Variants in NUCB2 observed in about 807,000 individuals in gnomAD.
NUCB2 encodes the protein nucleobindin 2.
NUCB2 carries 48 observed loss-of-function variants against 57.9 expected under a neutral mutation model. That is an observed-to-expected ratio of 0.83 (90% CI 0.66 to 1.05). The LOEUF (loss-of-function observed/expected upper bound fraction) is 1.05. Ranked by LOEUF, NUCB2 falls within the 50% of genes least tolerant of loss-of-function variation. The pLI is 0.00. For synonymous variants in NUCB2, 139 were observed against 152.1 expected (o/e 0.91, Z 0.64); for missense variants, 442 against 476.2 (o/e 0.93, Z 0.67).
chr11:17,295,284 CATT>C, intron 2 of NUCB2, 37 bp from the exon 3 acceptor site: 1 of 1,567,524 alleles, frequency 6.4e-7, no homozygotes, highest in Non-Finnish European at 8.7e-7. Context: ...AGAGTTAAAA[CATT>C]ATTCATGACT....
intron 4 of NUCB2, among the ~76,000 whole-genome samples, chr11:17,299,366 T>A (rs537968644): frequency 6.6e-6 from 1 of 152,210 alleles, no homozygotes; most frequent in African/African-American, 2.4e-5. Flanking sequence ...CATTGTTTTA[T>A]CTAATAATAA....
chr11:17,288,166 T>C (rs1026238605), intron 2 of NUCB2, among the ~76,000 whole-genome samples: 1 of 147,980 alleles, frequency 6.8e-6, no homozygotes, highest in South Asian at 2.1e-4. Context: ...ATTTATTTCG[T>C]TTAATTTCTT....
At chr11:17,283,170 C>A (rs1565361363) in intron 2 of NUCB2, among the ~76,000 whole-genome samples, 3 of 152,098 alleles carry the variant, frequency 2.0e-5, no homozygotes, top group Admixed American at 6.6e-5. Context: ...ATCAGTGATC[C>A]CTAAGACATT....
downstream of NUCB2, among the ~76,000 whole-genome samples, chr11:17,336,637 C>G (rs930242841): frequency 2.0e-5 from 3 of 150,798 alleles, no homozygotes. Context: ...GCCTGTAGTC[C>G]CAGCTACTCG....
chr11:17,342,836 G>A (rs1238632829), intron 2 of NUCB2, among the ~76,000 whole-genome samples: 3 of 151,958 alleles, frequency 2.0e-5, no homozygotes, highest in African/African-American at 7.3e-5. Flanking sequence ...GGTCTGCTTG[G>A]TGCAGAGCTG....
chr11:17,289,110 C>G (rs1313680517), intron 2 of NUCB2, among the ~76,000 whole-genome samples: 1 of 151,802 alleles, frequency 6.6e-6, no homozygotes, highest in Non-Finnish European at 1.5e-5. Context: ...GCGTGTGCCA[C>G]CATGCCCGGC....
rs115377073 is a variant in NUCB2, at chr11:17,286,921, A to G, written c.-1+3978A>G. On this transcript the variant is annotated intron_variant, in intron 2 of 13. Coordinates refer to ENST00000529010, the MANE Select transcript of NUCB2 (RefSeq NM_005013.4). The stretch of plus-strand genomic sequence containing the variant: ...TGCCTAATGTGCTGGAATACTTACC[A>G]TTTTTTTTTTAAATACAGTTGATGT... 9.9e-3 allele frequency among the ~76,000 whole-genome samples: 1,481 copies of G among 149,918 alleles called. 27 individuals carry two copies. Among genetic ancestry groups the G allele is most frequent in the African/African-American group, 0.034 (1,397 of 40,992 alleles).
chr11:17,331,257 A>T (rs1160965439), intron 13 of NUCB2, 155 bp from the exon 14 acceptor site: 3 of 527,326 alleles, frequency 5.7e-6, no homozygotes, highest in Admixed American at 7.5e-5. Context: ...AATTCTTTCT[A>T]ATTATATTAA....
At chr11:17,315,313 A>AGTTGATACAGTTGTTACAGTGGCAACATT (rs1949067959) in intron 10 of NUCB2, 73 bp from the exon 11 acceptor site, 2 of 746,138 alleles carry the variant, frequency 2.7e-6, no homozygotes, top group South Asian at 4.9e-5. Context: ...CATCTATTAC[A>AGTTGATACAGTTGTTACAGTGGCAACATT]AGACAGTTGA....
chr11:17,303,600 T>C (rs1458868646), intron 5 of NUCB2, among the ~76,000 whole-genome samples: 1 of 152,112 alleles, frequency 6.6e-6, no homozygotes, highest in Non-Finnish European at 1.5e-5. Flanking sequence ...CTTAAAGTTA[T>C]CTTGCTGGGC....
At chr11:17,278,697 A>G (rs1941895779) in intron 1 of NUCB2, among the ~76,000 whole-genome samples, 1 of 152,214 alleles carries the variant, frequency 6.6e-6, no homozygotes, top group African/African-American at 2.4e-5. Context: ...AATATCAATA[A>G]CATCAATTCA....
intron 11 of NUCB2, among the ~76,000 whole-genome samples, chr11:17,328,537 A>T (rs1049193570): frequency 4.6e-5 from 7 of 151,318 alleles, no homozygotes; most frequent in African/African-American, 1.7e-4. Context: ...CCTGCTCTTC[A>T]CTCCTCTTTC....
At chr11:17,281,639 T>C (rs1479527156) in intron 1 of NUCB2, among the ~76,000 whole-genome samples, 1 of 147,756 alleles carries the variant, frequency 6.8e-6, no homozygotes, top group Non-Finnish European at 1.5e-5. Flanking sequence ...AAATCAAGAC[T>C]CAGAGGCAAG....
At chr11:17,278,067 A>T (rs963841999) in intron 1 of NUCB2, among the ~76,000 whole-genome samples, 4 of 149,298 alleles carry the variant, frequency 2.7e-5, no homozygotes, top group Admixed American at 6.7e-5. Context: ...AGGGGGTCAA[A>T]TTTTTTTTTT....
rs200431249 is a variant in NUCB2, at chr11:17,330,233, A to C, written c.1109A>C (p.Lys370Thr). The C allele has an allele frequency of 1.8e-5, 29 of 1,611,846 alleles. No homozygotes were observed. The highest frequency in any genetic ancestry group is 2.5e-5 in the Non-Finnish European group (29 of 1,179,044). ...AAGAAGAAGGCAGATGAGCTTCAGA[A>C]ACAAAAAGAAGAGCTACAACGTCAG... ...ELKKKADELQ[K>T]QKEELQRQHD... The change falls in exon 12 of 14, where the codon AAA (lysine) becomes ACA (threonine). Residue 370 changes from lysine (K) to threonine (T), a missense_variant. By Grantham distance (78) the Lys-to-Thr change is moderately conservative (BLOSUM62 -1). Coordinates refer to ENST00000529010, the MANE Select transcript of NUCB2 (RefSeq NM_005013.4). The surrounding 1 kb of genome is among the most constrained non-coding windows in gnomAD (Gnocchi z 4.3).
chr11:17,318,351 T>C (rs1949568558), intron 11 of NUCB2, among the ~76,000 whole-genome samples: 1 of 152,082 alleles, frequency 6.6e-6, no homozygotes, highest in Admixed American at 6.6e-5. Flanking sequence ...ACATTCAATA[T>C]CATATCAAAA....
intron 2 of NUCB2, among the ~76,000 whole-genome samples, chr11:17,289,370 A>C (rs1944546951): frequency 6.6e-6 from 1 of 152,192 alleles, no homozygotes; most frequent in South Asian, 2.1e-4. Context: ...GATGACAGGA[A>C]GTTTTCAGAT....
chr11:17,296,470 A>G (rs931419372), intron 4 of NUCB2, among the ~76,000 whole-genome samples: 2 of 152,160 alleles, frequency 1.3e-5, no homozygotes, highest in African/African-American at 2.4e-5. Flanking sequence ...CCCTTAAGGA[A>G]CCCTCAAGGG....
intron 10 of NUCB2, among the ~76,000 whole-genome samples, chr11:17,312,368 G>A (rs542597878): frequency 9.8e-4 from 149 of 151,724 alleles, no homozygotes; most frequent in African/African-American, 3.4e-3. Flanking sequence ...TGAGACTGAG[G>A]AGGGACCACA....
Sources: allele counts gnomAD v4.1 joint callset (sites outside exome capture counted in the v4.1 genomes callset), GRCh38; gene constraint gnomAD v4.1.1; non-coding constraint Gnocchi (gnomAD v3.1); transcripts MANE v1.5; gene names NCBI Gene and HGNC (gene_info 2026-07-23, HGNC 2026-07-21).